The following SLC9A9 variants were observed in gnomAD, a reference collection of about 807,000 sequenced individuals.
SLC9A9 encodes the protein sodium/hydrogen exchanger 9.
In SLC9A9, 62 loss-of-function variants were observed where a neutral mutation model predicts 77.8. That is an observed-to-expected ratio of 0.80 (90% confidence interval 0.65 to 0.98). The LOEUF is 0.98. SLC9A9 is among the 50% of genes least tolerant of loss of function. The pLI is 0.00. For missense variants in SLC9A9, 775 were observed against 774.9 expected, an observed-to-expected ratio of 1.00 and a Z score of 0.00; for synonymous variants, 320 against 283.5, an observed-to-expected ratio of 1.13 and a Z score of -1.29.
intron 14 of SLC9A9, among the ~76,000 whole-genome samples, chr3:143,317,640 C>T (rs2031259373): frequency 6.6e-6 from 1 of 150,392 alleles, no homozygotes; most frequent in African/African-American, 2.5e-5. Flanking sequence ...CAGTGTCTGT[C>T]TACAAATTTC....
At chr3:143,602,525 C>A (rs564190783) in intron 6 of SLC9A9, among the ~76,000 whole-genome samples, 1 of 152,286 alleles carries the variant, frequency 6.6e-6, no homozygotes, top group Non-Finnish European at 1.5e-5. Flanking sequence ...GCTTAAATAT[C>A]TTAATTTAAC....
intron 6 of SLC9A9, among the ~76,000 whole-genome samples, chr3:143,582,814 G>A (rs894767970): frequency 6.6e-6 from 1 of 152,156 alleles, no homozygotes; most frequent in African/African-American, 2.4e-5. Flanking sequence ...TGTTCTATAA[G>A]CAAAGTCCTC....
At chr3:143,309,574 T>G (rs1430643062) in intron 14 of SLC9A9, among the ~76,000 whole-genome samples, 1 of 152,300 alleles carries the variant, frequency 6.6e-6, no homozygotes, top group South Asian at 2.1e-4. Flanking sequence ...CTCTTCCTAG[T>G]TGAGTGTAGG....
intron 4 of SLC9A9, among the ~76,000 whole-genome samples, chr3:143,788,172 G>A (rs2008112444): frequency 6.6e-6 from 1 of 151,866 alleles, no homozygotes; most frequent in African/African-American, 2.4e-5. Context: ...TTATCCATTG[G>A]AGGAAAAATA....
At position 143,322,454 on chromosome 3, in the gene SLC9A9, T is replaced by C. The variant is rs886887523; in HGVS notation, c.1604+41030A>G. Among the ~76,000 whole-genome samples the C allele has an allele frequency of 2.6e-5, 4 of 152,316 alleles. 1 individual carries two copies. Among genetic ancestry groups the C allele is most frequent in the Middle Eastern group, 6.8e-3 (2 of 294 alleles). ...GACTGAGCAACACCATTGGCTCTCC[T>C]GGACCTTCAGCTTACCAAGTGTGGA... is the stretch of plus-strand genomic sequence containing the variant. On this transcript the variant is annotated intron_variant, in intron 14 of 15. Coordinates refer to ENST00000316549, the MANE Select transcript of SLC9A9 (RefSeq NM_173653.4).
chr3:143,574,550 G>A (rs1446021634), intron 7 of SLC9A9, among the ~76,000 whole-genome samples: 1 of 152,146 alleles, frequency 6.6e-6, no homozygotes, highest in African/African-American at 2.4e-5. Context: ...AGAGTGTAGG[G>A]GGATGAGATG....
chr3:143,472,127 A>C (rs1038699953), intron 11 of SLC9A9, among the ~76,000 whole-genome samples: 1 of 152,242 alleles, frequency 6.6e-6, no homozygotes, highest in African/African-American at 2.4e-5. Flanking sequence ...AACTAAAAGC[A>C]TTTCCTGAGC....
At chr3:143,495,528 C>T (rs1468111350) in intron 9 of SLC9A9, 80 bp from the exon 10 acceptor site, 1 of 1,061,290 alleles carries the variant, frequency 9.4e-7, no homozygotes, top group Non-Finnish European at 1.5e-6. Context: ...CTGTATTTGA[C>T]AACTGACTGG....
intron 2 of SLC9A9, among the ~76,000 whole-genome samples, chr3:143,811,128 T>C (rs2008853901): frequency 6.6e-6 from 1 of 152,076 alleles, no homozygotes; most frequent in Non-Finnish European, 1.5e-5. Flanking sequence ...GGGTTTCAGT[T>C]ACAGTTGGTA....
intron 14 of SLC9A9, among the ~76,000 whole-genome samples, chr3:143,295,841 G>T (rs1320768519): frequency 6.6e-6 from 1 of 150,526 alleles, no homozygotes; most frequent in Admixed American, 6.6e-5. Context: ...AGTGGAACAA[G>T]TGAGCAGAAG....
chr3:143,722,346 A>G (rs1433634150), intron 4 of SLC9A9, among the ~76,000 whole-genome samples: 3 of 151,656 alleles, frequency 2.0e-5, no homozygotes, highest in African/African-American at 7.3e-5. Flanking sequence ...AGTGGCGGGC[A>G]CCTGTAGTCC....
intron 14 of SLC9A9, among the ~76,000 whole-genome samples, chr3:143,332,390 T>C (rs975475358): frequency 5.9e-5 from 9 of 152,232 alleles, no homozygotes; most frequent in African/African-American, 1.4e-4. Context: ...GATTTTTAAA[T>C]AGGGAAATGA....
chr3:143,636,497 G>T (rs114093485), intron 6 of SLC9A9, among the ~76,000 whole-genome samples: 1 of 151,992 alleles, frequency 6.6e-6, no homozygotes, highest in Admixed American at 6.6e-5. Context: ...TAGATTTAGG[G>T]GGTACAGGGG....
At chr3:143,676,212 G>A (rs1307632116) in intron 5 of SLC9A9, among the ~76,000 whole-genome samples, 1 of 152,138 alleles carries the variant, frequency 6.6e-6, no homozygotes, top group African/African-American at 2.4e-5. Context: ...ACCTCCTGCT[G>A]TGCAGCTTGG....
chr3:143,748,392 A>C (rs1278495915), intron 4 of SLC9A9, among the ~76,000 whole-genome samples: 1 of 152,168 alleles, frequency 6.6e-6, no homozygotes, highest in African/African-American at 2.4e-5. Flanking sequence ...CCTCATTAAG[A>C]TGCTTCAAGC....
chr3:143,822,845 T>C (rs1290982422), intron 2 of SLC9A9, among the ~76,000 whole-genome samples: 2 of 152,230 alleles, frequency 1.3e-5, no homozygotes, highest in Non-Finnish European at 2.9e-5. Context: ...TGTTCTTTGC[T>C]CAGGCTCCTT....
intron 6 of SLC9A9, among the ~76,000 whole-genome samples, chr3:143,638,495 T>A (rs2038564629): frequency 6.6e-6 from 1 of 152,226 alleles, no homozygotes; most frequent in Non-Finnish European, 1.5e-5. Context: ...TTGCTGTGAA[T>A]CCATGAAGAA....
Position 143,656,653 on chromosome 3 carries a change from C to T in SLC9A9, c.650-4293G>A, listed in dbSNP as rs181782041. Among the ~76,000 whole-genome samples, 19 of 152,208 alleles carry T rather than the reference C, an allele frequency of 1.2e-4. No individual in the cohort carries two copies. In the East Asian group the frequency reaches 1.5e-3, roughly 12 times the overall value. ...AACCTAGCACAAGATCTGCCTAGGT[C>T]GAAGGACAACAACATACAATAGTTC... is the stretch of plus-strand genomic sequence containing the variant. On this transcript the variant is annotated intron_variant, in intron 5 of 15. Coordinates refer to ENST00000316549, the MANE Select transcript of SLC9A9 (RefSeq NM_173653.4).
intron 4 of SLC9A9, among the ~76,000 whole-genome samples, chr3:143,757,455 T>C (rs79342026): frequency 0.022 from 3,358 of 152,238 alleles, 110 homozygotes; most frequent in African/African-American, 0.072. Flanking sequence ...TGACTCCTGA[T>C]CTAAATAATC....
Sources: gnomAD v4.1 joint callset for allele counts (sites outside exome capture counted in the v4.1 genomes callset) on GRCh38, gnomAD v4.1.1 for gene constraint, MANE v1.5 for transcripts, NCBI Gene and HGNC (gene_info 2026-07-23, HGNC 2026-07-21) for gene names.